The following RGS6 variants were observed in gnomAD, a reference collection of about 807,000 sequenced individuals.
RGS6 encodes the protein regulator of G-protein signaling 6.
RGS6 carries 30 observed loss-of-function variants against 78.5 expected under a neutral mutation model. The observed-to-expected ratio is 0.38, with a 90% CI of 0.29 to 0.52. RGS6 has a LOEUF of 0.52. Ranked by LOEUF, RGS6 falls within the 20% of genes least tolerant of loss-of-function variation. The pLI, the probability that RGS6 is intolerant of heterozygous loss-of-function variation, is 0.85. For synonymous variants in RGS6, 206 were observed against 206.0 expected (o/e 1.00, Z 0.00); for missense variants, 495 against 609.7 (o/e 0.81, Z 1.98).
rs117978540 is a variant in RGS6 at position 71,953,778 on chromosome 14, G to A, written c.-20-10994G>A. Among the ~76,000 whole-genome samples, 21 of 151,932 alleles carry A rather than the reference G, an allele frequency of 1.4e-4. No individual in the cohort carries two copies. In the East Asian group the frequency reaches 3.5e-3, roughly 25 times the overall value. On this transcript the variant is annotated intron_variant, in intron 1 of 17. Transcript: ENST00000553525. Reference sequence around the variant, plus strand: ...TACCTTTATTCCTTCATCAGTGCTTGTTCTTTCTTTTTAGAGATCCAAGTT... The same window carrying A: ...TACCTTTATTCCTTCATCAGTGCTTATTCTTTCTTTTTAGAGATCCAAGTT...
downstream of RGS6, chr14:72,566,618 C>T (rs2097711971): frequency 1.4e-5 from 2 of 147,482 alleles, no homozygotes; most frequent in Non-Finnish European, 2.9e-5. Flanking sequence ...ACACTCCACC[C>T]TTCCCCATTA....
intron 2 of RGS6, among the ~76,000 whole-genome samples, chr14:72,289,646 G>C (rs964075374): frequency 6.6e-6 from 1 of 152,104 alleles, no homozygotes; most frequent in African/African-American, 2.4e-5. Context: ...TTACCTGCCC[G>C]ATACCTCTCT....
chr14:71,879,027 AT>A, the RGS6 span, among the ~76,000 whole-genome samples: 7 of 150,924 alleles, frequency 4.6e-5, no homozygotes, highest in South Asian at 2.1e-4. Flanking sequence ...TTCATAGTGT[AT>A]TTTTTTTTCT....
chr14:72,567,804 G>A (rs2097715411), downstream of RGS6, among the ~76,000 whole-genome samples: 1 of 152,180 alleles, frequency 6.6e-6, no homozygotes, highest in Non-Finnish European at 1.5e-5. Flanking sequence ...GCTCTGCCCA[G>A]CAGGCTCTCC....
intron 1 of RGS6, among the ~76,000 whole-genome samples, chr14:71,946,877 A>G (rs553678687): frequency 6.6e-6 from 1 of 152,328 alleles, no homozygotes; most frequent in South Asian, 2.1e-4. Flanking sequence ...TTTAATGAAA[A>G]CAAGGATAGG....
At chr14:71,967,464 G>A (rs1160483903) in intron 2 of RGS6, among the ~76,000 whole-genome samples, 1 of 152,074 alleles carries the variant, frequency 6.6e-6, no homozygotes, top group Non-Finnish European at 1.5e-5. Context: ...TATCCTCAAG[G>A]TATCATCAGT....
intron 2 of RGS6, among the ~76,000 whole-genome samples, chr14:72,144,568 A>T (rs1167490529): frequency 6.6e-6 from 1 of 152,154 alleles, no homozygotes; most frequent in Non-Finnish European, 1.5e-5. Flanking sequence ...ATTTATCGAA[A>T]ATCTATTTGG....
At chr14:71,912,919 G>A in the RGS6 span, among the ~76,000 whole-genome samples, 9 of 151,828 alleles carry the variant, frequency 5.9e-5, no homozygotes, top group African/African-American at 1.9e-4. Flanking sequence ...TCTGACTCCC[G>A]GGTTCATGCC....
intron 2 of RGS6, among the ~76,000 whole-genome samples, chr14:72,016,896 T>C (rs1158303478): frequency 6.6e-6 from 1 of 152,234 alleles, no homozygotes; most frequent in Admixed American, 6.5e-5. Context: ...TTTGCTCTCT[T>C]ATCCTGGGTC....
At chr14:72,154,067 G>C (rs528640003) in intron 2 of RGS6, among the ~76,000 whole-genome samples, 42 of 152,068 alleles carry the variant, frequency 2.8e-4, no homozygotes, top group Admixed American at 2.8e-3. Context: ...GAATGCATTC[G>C]TTTCCTAGCG....
chr14:72,365,288 G>A (rs1230735716), intron 3 of RGS6, among the ~76,000 whole-genome samples: 1 of 152,178 alleles, frequency 6.6e-6, no homozygotes, highest in African/African-American at 2.4e-5. Flanking sequence ...AATAATTTAT[G>A]GGTACTGAGG....
At chr14:72,345,942 A>T (rs917171084) in intron 2 of RGS6, among the ~76,000 whole-genome samples, 1 of 152,196 alleles carries the variant, frequency 6.6e-6, no homozygotes, top group African/African-American at 2.4e-5. Flanking sequence ...AAGAAATATG[A>T]TTATCATTTG....
At chr14:71,922,848 C>CA in the RGS6 span, among the ~76,000 whole-genome samples, 1 of 137,734 alleles carries the variant, frequency 7.3e-6, no homozygotes, top group Non-Finnish European at 1.6e-5. Flanking sequence ...GATGGGAAGA[C>CA]AAAAAACAAA....
intron 2 of RGS6, among the ~76,000 whole-genome samples, chr14:72,027,399 CA>C (rs1423871652): frequency 6.6e-6 from 1 of 152,008 alleles, no homozygotes; most frequent in African/African-American, 2.4e-5. Flanking sequence ...ACAAGTTTTG[CA>C]GTTAGGTTCA....
At chr14:72,086,582 T>A (rs2095049739) in intron 2 of RGS6, among the ~76,000 whole-genome samples, 1 of 152,232 alleles carries the variant, frequency 6.6e-6, no homozygotes, top group Admixed American at 6.5e-5. Context: ...CTGAGCCCTC[T>A]GCAGAGCAAT....
chr14:71,897,506 TTTTTATTTTA>T, the RGS6 span, among the ~76,000 whole-genome samples: 1 of 152,018 alleles, frequency 6.6e-6, no homozygotes, highest in East Asian at 1.9e-4. Flanking sequence ...TTAGATTTAT[TTTTTATTTTA>T]TTTTATTTTA....
intron 2 of RGS6, among the ~76,000 whole-genome samples, chr14:72,162,659 G>GA (rs1376675081): frequency 1.3e-5 from 2 of 152,026 alleles, no homozygotes; most frequent in Admixed American, 1.3e-4. Flanking sequence ...CTACCGAGAG[G>GA]AAAAGAAGTC....
chr14:72,338,946 C>T (rs1302018046), intron 2 of RGS6, among the ~76,000 whole-genome samples: 1 of 152,100 alleles, frequency 6.6e-6, no homozygotes, highest in Non-Finnish European at 1.5e-5. Flanking sequence ...CCTGCATGCT[C>T]ACCTAAATTT....
At chr14:72,204,848 C>T (rs1238315219) in intron 2 of RGS6, among the ~76,000 whole-genome samples, 1 of 152,160 alleles carries the variant, frequency 6.6e-6, no homozygotes, top group Non-Finnish European at 1.5e-5. Flanking sequence ...TTTTGCCTGC[C>T]TCATAGTGCT....
Sources: allele counts gnomAD v4.1 joint callset (sites outside exome capture counted in the v4.1 genomes callset), GRCh38; gene constraint gnomAD v4.1.1; transcripts MANE v1.5; gene names NCBI Gene and HGNC (gene_info 2026-07-23, HGNC 2026-07-21).